RSPH4A: variants seen among roughly 807,000 people sequenced by gnomAD.
RSPH4A encodes radial spoke head protein 4 homolog A.
A neutral mutation model predicts 71.0 loss-of-function variants in RSPH4A; 47 were observed. The ratio of observed to expected loss-of-function variants is 0.66; its 90% CI spans 0.52 to 0.84. RSPH4A has a LOEUF of 0.84. Ranked by LOEUF, RSPH4A falls within the 40% of genes least tolerant of loss-of-function variation. The pLI, the probability that RSPH4A is intolerant of heterozygous loss-of-function variation, is 0.00. For missense variants in RSPH4A, 793 were observed against 855.2 expected (o/e 0.93, Z 0.91); for synonymous variants, 282 against 302.3 (o/e 0.93, Z 0.70).
At chr6:116,622,688 A>G (rs376790162) in intron 1 of RSPH4A, 80 bp from the exon 2 acceptor site, 6 of 899,844 alleles carry the variant, frequency 6.7e-6, no homozygotes, top group Non-Finnish European at 1.1e-5. Context: ...TTATCTAATG[A>G]CCCCAGAAAT....
chr6:116,619,735 T>C (rs1035520409), intron 1 of RSPH4A, among the ~76,000 whole-genome samples: 5 of 152,244 alleles, frequency 3.3e-5, no homozygotes, highest in African/African-American at 1.2e-4. Flanking sequence ...TTTTTTTCTT[T>C]TGAGATGGAA....
At chr6:116,621,582 G>A (rs1775609420) in intron 1 of RSPH4A, among the ~76,000 whole-genome samples, 1 of 152,262 alleles carries the variant, frequency 6.6e-6, no homozygotes, top group Admixed American at 6.5e-5. Context: ...ATTGTTCTCA[G>A]AAAGAACTCC....
rs1209693326 is a variant in RSPH4A, at chr6:116,629,646, A to T, written c.1742A>T (p.Asp581Val). Residue 581 changes from aspartate to valine, a missense_variant, in exon 4 of 6, where the codon GAC becomes GTC. Coordinates refer to ENST00000229554, the MANE Select transcript of RSPH4A (RefSeq NM_001010892.3). ...GAAGATGAAGAAAAAGACGATTCTG[A>T]CTACATAGAACAGGAAGTGGGGCTT... ...EEEDEEKDDS[D>V]YIEQEVGLPL... The T allele has an allele frequency of 6.2e-7, 1 of 1,613,406 alleles. No homozygotes were observed. The highest frequency in any genetic ancestry group is 2.2e-5 in the East Asian group (1 of 44,856).
intron 1 of RSPH4A, among the ~76,000 whole-genome samples, chr6:116,621,806 G>A (rs1338857584): frequency 3.3e-5 from 5 of 152,254 alleles, no homozygotes; most frequent in Middle Eastern, 3.4e-3. Flanking sequence ...GATACGATGC[G>A]TATCCACCAG....
At chr6:116,631,157 T>C (rs189636702) in intron 5 of RSPH4A, among the ~76,000 whole-genome samples, 191 of 152,258 alleles carry the variant, frequency 1.3e-3, no homozygotes, top group African/African-American at 4.0e-3. Context: ...TAAAATATGG[T>C]TTTTCATCAT....
rs192442404 is a variant in RSPH4A at position 116,623,708 on chromosome 6, C to T, written c.921+706C>T. Among the ~76,000 whole-genome samples the T allele has an allele frequency of 1.4e-3, 212 of 152,218 alleles. 1 individual carries two copies. Among genetic ancestry groups the T allele is most frequent in the Non-Finnish European group, 1.8e-4 (12 of 68,014 alleles). On this transcript the variant is annotated intron_variant, in intron 2 of 5. Transcript: ENST00000229554. ...TAAAATCAGGTTTTAAAACAAGTTGCATGTTTATTAGAAAATTTAGAAGCA... is the reference window on the plus strand; with the variant it reads ...TAAAATCAGGTTTTAAAACAAGTTGTATGTTTATTAGAAAATTTAGAAGCA...
At chr6:116,619,885 A>AT in intron 1 of RSPH4A, among the ~76,000 whole-genome samples, 1 of 152,088 alleles carries the variant, frequency 6.6e-6, no homozygotes, top group African/African-American at 2.4e-5. Flanking sequence ...CACATGGCTA[A>AT]TTTTTTTGTA....
rs751741926 is a variant in RSPH4A at position 116,630,465 on chromosome 6, G to A, written c.1829G>A (p.Arg610Gln). The A allele has an allele frequency of 1.6e-5, 25 of 1,607,486 alleles. No homozygotes were observed. The highest frequency in any genetic ancestry group is 1.9e-5 in the Non-Finnish European group (22 of 1,174,270). ...EIQNIPPWTT[R>Q]LSSNLIPQYA... ...CAGAATATACCCCCCTGGACAACAC[G>A]GTTATCCTCAAATCTCATTCCACAA... The change falls in exon 5 of 6, where the codon CGG becomes CAG. Residue 610 changes from arginine to glutamine, a missense_variant. Physicochemically the swap from Arg to Gln is conservative, Grantham distance 43 (BLOSUM62 1). Transcript: ENST00000229554.
chr6:116,620,323 T>C lies in RSPH4A; in HGVS notation c.687-2445T>C, dbSNP rs116160034. On this transcript the variant is annotated intron_variant, in intron 1 of 5. Coordinates refer to ENST00000229554, the MANE Select transcript of RSPH4A (RefSeq NM_001010892.3). ...CAAATGCTGTCTCTGAGGTAATAAG[T>C]GAATATCTTCCATAATATTCACTGT... is the stretch of plus-strand genomic sequence containing the variant. 4.1e-3 allele frequency among the ~76,000 whole-genome samples: 632 copies of C among 152,328 alleles called. 5 individuals are homozygous for C. The highest frequency in any genetic ancestry group is 0.014 in the African/African-American group (594 of 41,572).
rs886692793 is a variant in RSPH4A, at chr6:116,616,538, C to A, written c.-86C>A. ...AGGACCCAGAAATCGCTTAAGAGAC[C>A]GCGGCAAAGTAACTTAACTGAGTTG... On this transcript the variant is annotated 5_prime_UTR_variant, in exon 1 of 6. Coordinates refer to ENST00000229554, the MANE Select transcript of RSPH4A (RefSeq NM_001010892.3). The A allele has an allele frequency of 1.7e-5, 21 of 1,204,440 alleles. No individual in the cohort carries two copies. Among genetic ancestry groups the A allele is most frequent in the Non-Finnish European group, 2.0e-5 (17 of 833,326 alleles). 74.6% of individuals were successfully genotyped at this position (1,204,440 alleles called of 1,614,324 possible). A position where few individuals can be genotyped will look rare whatever the true frequency, so the allele number is the denominator to read the frequency against.
At chr6:116,623,386 C>T (rs750657721) in intron 2 of RSPH4A, among the ~76,000 whole-genome samples, 9 of 152,106 alleles carry the variant, frequency 5.9e-5, no homozygotes, top group Non-Finnish European at 1.2e-4. Flanking sequence ...GCACCTGGCC[C>T]TTATAGCTTC....
chr6:116,623,759 C>T (rs1268989137), intron 2 of RSPH4A, among the ~76,000 whole-genome samples: 1 of 152,064 alleles, frequency 6.6e-6, no homozygotes, highest in Non-Finnish European at 1.5e-5. Context: ...GTATTTTCTT[C>T]TAAGACAAGC....
In RSPH4A at chr6:116,632,303, T is replaced by G; in HGVS notation, c.2013T>G (p.Ser671Arg). 5.0e-6 allele frequency: 8 copies of G among 1,613,678 alleles called. No individual in the cohort carries two copies. The highest frequency in any genetic ancestry group is 6.8e-6 in the Non-Finnish European group (8 of 1,180,000). Residue 671 changes from serine (S) to arginine (R), a missense_variant, in exon 6 of 6, where the codon AGT becomes AGG. Coordinates refer to ENST00000229554, the MANE Select transcript of RSPH4A (RefSeq NM_001010892.3). The stretch of plus-strand genomic sequence containing the variant: ...CACCAGTTTATCAAGAATACCCCAG[T>G]GGACCAGAAATTACAGAAATGGATG... ...VPPPVYQEYP[S>R]GPEITEMDDP...
At chr6:116,618,593 A>G (rs930755873) in intron 1 of RSPH4A, among the ~76,000 whole-genome samples, 3 of 152,204 alleles carry the variant, frequency 2.0e-5, no homozygotes, top group African/African-American at 7.2e-5. Context: ...AGCTCACTGC[A>G]GCCTCTGCCT....
At chr6:116,621,624 G>T (rs784126) in intron 1 of RSPH4A, among the ~76,000 whole-genome samples, 32,465 of 152,116 alleles carry the variant, frequency 0.21, 3,799 homozygotes, top group Non-Finnish European at 0.28. Flanking sequence ...TTTGGGGAAT[G>T]ACTTAAGTGC....
At chr6:116,632,075 A>G in intron 5 of RSPH4A, 132 bp from the exon 6 acceptor site, 1 of 654,218 alleles carries the variant, frequency 1.5e-6, no homozygotes, top group Admixed American at 2.7e-5. Flanking sequence ...TTTCACTTCT[A>G]GCATTTTACA....
Position 116,628,108 on chromosome 6 carries a change from T to A in RSPH4A, c.1401T>A (p.Asp467Glu), listed in dbSNP as rs745768195. ...KIKKFFTGRL[D>E]APIISYPPFP... Reference sequence around the variant, plus strand: ...AGAAATTTTTCACTGGGCGATTGGATGCTCCCATCATAAGCTACCCACCTT... The same window carrying A: ...AGAAATTTTTCACTGGGCGATTGGAAGCTCCCATCATAAGCTACCCACCTT... Residue 467 changes from aspartate to glutamate, a missense_variant, in exon 3 of 6, where the codon GAT (aspartate) becomes GAA (glutamate). By Grantham distance (45) the Asp-to-Glu change is conservative (BLOSUM62 2). Coordinates refer to ENST00000229554, the MANE Select transcript of RSPH4A (RefSeq NM_001010892.3). 6.2e-7 allele frequency: 1 copy of A among 1,614,214 alleles called. No homozygotes were observed. Among genetic ancestry groups the A allele is most frequent in the Non-Finnish European group, 8.5e-7 (1 of 1,180,040 alleles).
intron 2 of RSPH4A, 89 bp downstream of exon 2, chr6:116,623,091 T>C (rs1478978346): frequency 1.2e-5 from 10 of 849,012 alleles, no homozygotes; most frequent in Non-Finnish European, 2.0e-5. Context: ...CAACTGTATT[T>C]TATAGCTTGT....
rs1474929642 is a variant in RSPH4A at position 116,630,641 on chromosome 6, G to A, written c.1916+89G>A. ...ACCACTAGAATGTTAAGCTACTATCGTTGTTTCTTTGGTTTTTTTTTTCGT... is the reference window on the plus strand; with the variant it reads ...ACCACTAGAATGTTAAGCTACTATCATTGTTTCTTTGGTTTTTTTTTTCGT... On this transcript the variant is annotated intron_variant, in intron 5 of 5. Coordinates refer to ENST00000229554, the MANE Select transcript of RSPH4A (RefSeq NM_001010892.3). 2.4e-5 allele frequency: 13 copies of A among 530,630 alleles called. 1 individual carries two copies. Among genetic ancestry groups the A allele is most frequent in the Non-Finnish European group, 4.5e-5 (13 of 289,848 alleles). 32.9% of individuals were successfully genotyped at this position (530,630 alleles called of 1,614,324 possible). A position where few individuals can be genotyped will look rare whatever the true frequency, so the allele number is the denominator to read the frequency against.
Sources: gnomAD v4.1 joint callset for allele counts (sites outside exome capture counted in the v4.1 genomes callset) on GRCh38, gnomAD v4.1.1 for gene constraint, MANE v1.5 for transcripts, NCBI Gene and HGNC (gene_info 2026-07-23, HGNC 2026-07-21) for gene names.